The following BACH1 variants were observed in gnomAD, a reference collection of about 807,000 sequenced individuals.
BACH1 encodes transcription regulator protein BACH1.
BACH1 carries 35 observed loss-of-function variants against 52.9 expected under a neutral mutation model. That is an observed-to-expected ratio of 0.66 (90% confidence interval 0.51 to 0.88). The LOEUF (loss-of-function observed/expected upper bound fraction) is 0.88, where lower values mean the gene tolerates loss of function less well. BACH1 is among the 40% of genes least tolerant of loss of function. The probability of loss-of-function intolerance (pLI) is 0.00; values close to 1 mark genes in which losing one functional copy is unlikely to be tolerated. For missense variants in BACH1, 808 were observed against 872.6 expected (o/e 0.93, Z 0.93); for synonymous variants, 321 against 319.6 (o/e 1.00, Z -0.05).
At chr21:29,338,487 A>C (rs938552167) in intron 4 of BACH1, among the ~76,000 whole-genome samples, 26 of 152,162 alleles carry the variant, frequency 1.7e-4, no homozygotes, top group Non-Finnish European at 3.2e-4. Flanking sequence ...AAATCCTCTC[A>C]TATCAGCCTT....
downstream of BACH1, among the ~76,000 whole-genome samples, chr21:29,349,044 A>G (rs2123485046): frequency 6.6e-6 from 1 of 151,834 alleles, no homozygotes; most frequent in South Asian, 2.1e-4. Flanking sequence ...CAGTGAGCCG[A>G]GATAGCGCCA....
rs767447742 is a variant in BACH1, at chr21:29,342,706, G to A, written c.2084G>A (p.Gly695Glu). The A allele has an allele frequency of 2.5e-6, 4 of 1,614,092 alleles. No individual in the cohort carries two copies. Among genetic ancestry groups the A allele is most frequent in the East Asian group, 2.2e-5 (1 of 44,898 alleles). ...AACAGTGAGCCTGGCTACGCGCGAG[G>A]GCAGGAGTCCCAGCAGATGTCCACA... Reference protein sequence around the residue: ...RGNSEPGYARGQESQQMSTAT... With the variant: ...RGNSEPGYAREQESQQMSTAT... Residue 695 changes from glycine (G) to glutamate (E), a missense_variant, in exon 5 of 5, where the codon GGG becomes GAG. Gly to Glu is a moderately conservative substitution (Grantham distance 98, BLOSUM62 -2). Coordinates refer to ENST00000286800, the MANE Select transcript of BACH1 (RefSeq NM_001186.4).
chr21:29,321,645 CT>C (rs377229311), intron 2 of BACH1, 131 bp downstream of exon 2: 102,599 of 479,874 alleles, frequency 0.21, 159 homozygotes, highest in Middle Eastern at 0.26. Context: ...TGTGCAACCC[CT>C]TTTTTTTTTT....
Position 29,321,436 on chromosome 21 carries a change from G to C in BACH1, c.156G>C (p.Leu52=). 1 of 1,614,210 alleles carries C rather than the reference G, an allele frequency of 6.2e-7. No homozygotes were observed. The highest frequency in any genetic ancestry group is 2.2e-5 in the East Asian group (1 of 44,878). ...GQRFRAHRSV[L]AACSSYFHSR... The stretch of plus-strand genomic sequence containing the variant: ...GGTTCCGCGCTCACCGGTCCGTGCT[G>C]GCGGCATGCAGCAGTTACTTCCACT... Residue 52 remains leucine, a synonymous_variant, in exon 2 of 5, where the codon CTG becomes CTC. Transcript: ENST00000286800.
intron 2 of BACH1, chr21:29,359,005 A>G (rs2123496780): frequency 6.6e-6 from 1 of 152,190 alleles, no homozygotes; most frequent in Non-Finnish European, 1.5e-5. Flanking sequence ...ATAACATCAG[A>G]CACAGTAATT....
At chr21:29,304,534 C>T (rs1395764267) in intron 1 of BACH1, among the ~76,000 whole-genome samples, 4 of 152,156 alleles carry the variant, frequency 2.6e-5, no homozygotes, top group Non-Finnish European at 4.4e-5. Context: ...CCCCATCCCT[C>T]ATTAAAGTGG....
At chr21:29,306,907 G>T (rs540511009) in intron 1 of BACH1, among the ~76,000 whole-genome samples, 2 of 152,068 alleles carry the variant, frequency 1.3e-5, no homozygotes, top group East Asian at 3.9e-4. Flanking sequence ...ATATATAGAA[G>T]AAATAATTTT....
intron 2 of BACH1, among the ~76,000 whole-genome samples, chr21:29,323,026 C>CTCATT (rs67618511): frequency 6.6e-6 from 1 of 151,696 alleles, no homozygotes. Context: ...TTCATTCTTT[C>CTCATT]TAATGTGTAA....
At chr21:29,317,479 G>A (rs9977503) in intron 1 of BACH1, among the ~76,000 whole-genome samples, 1,977 of 152,280 alleles carry the variant, frequency 0.013, 22 homozygotes, top group Non-Finnish European at 0.021. Context: ...AGTGTATGTG[G>A]AGGCCCTGAA....
downstream of BACH1, among the ~76,000 whole-genome samples, chr21:29,349,010 CG>C (rs1245888574): frequency 2.0e-5 from 3 of 151,732 alleles, no homozygotes; most frequent in South Asian, 2.1e-4. Flanking sequence ...AGGAGAATGG[CG>C]TGAACCCAGG....
Position 29,342,660 on chromosome 21 carries a change from C to CT in BACH1, c.2039dup (p.Pro681AlafsTer9). The CT allele has an allele frequency of 6.2e-7, 1 of 1,614,242 alleles. No individual in the cohort carries two copies. The highest frequency in any genetic ancestry group is 8.5e-7 in the Non-Finnish European group (1 of 1,180,050). On this transcript the variant is annotated frameshift_variant, in exon 5 of 5. Transcript: ENST00000286800. LOFTEE classifies it low-confidence loss of function (END_TRUNC). Reference sequence around the variant, plus strand: ...TTTATCTGACCGGCCTCCAGCAGTGCTGCCTCCCTGTGCCAGAGGAAACAG... The same window carrying CT: ...TTTATCTGACCGGCCTCCAGCAGTGCTTGCCTCCCTGTGCCAGAGGAAACAG...
In BACH1 at chr21:29,321,426, G is replaced by A. The variant is rs139702208; in HGVS notation, c.146G>A (p.Arg49Gln). 7 of 1,614,090 alleles carry A rather than the reference G, an allele frequency of 4.3e-6. No homozygotes were observed. Among genetic ancestry groups the A allele is most frequent in the Admixed American group, 1.7e-5 (1 of 60,008 alleles). ...GAGGGACAGCGGTTCCGCGCTCACCGGTCCGTGCTGGCGGCATGCAGCAGT... is the reference window on the plus strand; with the variant it reads ...GAGGGACAGCGGTTCCGCGCTCACCAGTCCGTGCTGGCGGCATGCAGCAGT... ...FVEGQRFRAH[R>Q]SVLAACSSYF... Residue 49 changes from arginine to glutamine, a missense_variant, in exon 2 of 5, where the codon CGG becomes CAG. Coordinates refer to ENST00000286800, the MANE Select transcript of BACH1 (RefSeq NM_001186.4).
chr21:29,339,249 G>A (rs191239337), intron 4 of BACH1, among the ~76,000 whole-genome samples: 88 of 152,282 alleles, frequency 5.8e-4, no homozygotes, highest in African/African-American at 2.1e-3. Context: ...GTATATGTGT[G>A]TGTGTCTGTC....
chr21:29,341,413 A>G (rs1388742521), intron 4 of BACH1, among the ~76,000 whole-genome samples: 1 of 152,218 alleles, frequency 6.6e-6, no homozygotes, highest in African/African-American at 2.4e-5. Context: ...CTCTTTTCTT[A>G]TAAATACCTT....
At chr21:29,325,500 A>T (rs1366370712) in intron 2 of BACH1, among the ~76,000 whole-genome samples, 1 of 152,232 alleles carries the variant, frequency 6.6e-6, no homozygotes, top group Non-Finnish European at 1.5e-5. Context: ...AAAAATCTGA[A>T]TCTTTAAAAC....
intron 1 of BACH1, among the ~76,000 whole-genome samples, chr21:29,313,937 T>A (rs1386278843): frequency 6.6e-6 from 1 of 152,186 alleles, no homozygotes; most frequent in Non-Finnish European, 1.5e-5. Flanking sequence ...AAGGTCATTG[T>A]ATTGCATGCT....
intron 4 of BACH1, among the ~76,000 whole-genome samples, chr21:29,340,797 G>T (rs1238700003): frequency 6.6e-6 from 1 of 151,964 alleles, no homozygotes; most frequent in Admixed American, 6.6e-5. Flanking sequence ...GCATTTAATG[G>T]TTCCTACTGT....
At chr21:29,320,717 T>C (rs1316216581) in intron 1 of BACH1, among the ~76,000 whole-genome samples, 2 of 152,208 alleles carry the variant, frequency 1.3e-5, no homozygotes, top group Admixed American at 1.3e-4. Flanking sequence ...AACACTAAAT[T>C]CACTTGCCAT....
At position 29,357,394 on chromosome 21, in the gene BACH1, C is replaced by T. The variant is rs146962198; in HGVS notation, c.472+27701C>T. ...ACTACAATTTGTTGGCAGTCACGCT[C>T]GATTGGTTCCCCATCCTCTGGGAGA... is the stretch of plus-strand genomic sequence containing the variant. On this transcript the variant is annotated intron_variant, in intron 2 of 4. Coordinates refer to the BACH1 transcript ENST00000422809. 2.6e-3 allele frequency among the ~76,000 whole-genome samples: 397 copies of T among 152,298 alleles called. 2 individuals are homozygous for T. Among genetic ancestry groups the T allele is most frequent in the Middle Eastern group, 0.017 (5 of 294 alleles).
Sources: gnomAD v4.1 joint callset for allele counts (sites outside exome capture counted in the v4.1 genomes callset) on GRCh38, gnomAD v4.1.1 for gene constraint, MANE v1.5 for transcripts, NCBI Gene and HGNC (gene_info 2026-07-23, HGNC 2026-07-21) for gene names.